The following ZC3H11A variants were observed in gnomAD, a reference collection of about 807,000 sequenced individuals.
ZC3H11A encodes zinc finger CCCH-type containing 11A.
ZC3H11A carries 22 observed loss-of-function variants against 90.8 expected under a neutral mutation model. The observed-to-expected ratio is 0.24, with a 90% CI of 0.17 to 0.35. The LOEUF is 0.35. Among genes scored for constraint, ZC3H11A ranks in the 10% least tolerant of loss-of-function variants. The pLI, the probability that ZC3H11A is intolerant of heterozygous loss-of-function variation, is 1.00. For missense variants in ZC3H11A, 701 were observed against 964.9 expected (o/e 0.73, Z 3.62); for synonymous variants, 294 against 339.8 (o/e 0.87, Z 1.48).
chr1:203,833,013 C>T (rs1217731114), intron 9 of ZC3H11A, among the ~76,000 whole-genome samples: 2 of 151,934 alleles, frequency 1.3e-5, no homozygotes, highest in African/African-American at 2.4e-5. Context: ...GCGGGCGGAT[C>T]GCTTGAGGCC....
chr1:203,815,232 T>TTTTTTA (rs1675938494), intron 2 of ZC3H11A, among the ~76,000 whole-genome samples: 1 of 146,250 alleles, frequency 6.8e-6, no homozygotes. Context: ...TTTTTTTTTT[T>TTTTTTA]GAGACAGTGT....
intron 2 of ZC3H11A, chr1:203,806,004 C>A: frequency 1.8e-6 from 1 of 562,350 alleles, no homozygotes; most frequent in South Asian, 1.5e-5. Flanking sequence ...TAACTTGTTT[C>A]ATGTTGAATG....
At chr1:203,807,986 C>G (rs1446358877) in intron 2 of ZC3H11A, among the ~76,000 whole-genome samples, 1 of 152,130 alleles carries the variant, frequency 6.6e-6, no homozygotes, top group Non-Finnish European at 1.5e-5. Flanking sequence ...AAGCAGTCCT[C>G]CTGTCTCGGC....
rs202156016 is a variant in ZC3H11A at position 203,849,970 on chromosome 1, G to A, written c.1883G>A (p.Gly628Glu). ...GTGGAGGTAGAAACCTCAGGGATTGGAGACTCATTATTGAATGTGAAATGT... is the reference window on the plus strand; with the variant it reads ...GTGGAGGTAGAAACCTCAGGGATTGAAGACTCATTATTGAATGTGAAATGT... ...QKVEVETSGI[G>E]DSLLNVKCAA... The change falls in exon 15 of 18, where the codon GGA (glycine) becomes GAA (glutamate). Residue 628 changes from glycine to glutamate, a missense_variant. Gly to Glu is a moderately conservative substitution (Grantham distance 98). Around this residue, in one of 4 missense-constraint regions of ZC3H11A, gnomAD observed 530 missense variants for 696.2 expected, o/e 0.76. Transcript: ENST00000367210. 126 of 1,613,954 alleles carry A rather than the reference G, an allele frequency of 7.8e-5. No individual in the cohort carries two copies. The highest frequency in any genetic ancestry group is 2.5e-5 in the Non-Finnish European group (29 of 1,180,020).
In ZC3H11A at chr1:203,837,994, T is replaced by C; in HGVS notation, c.903T>C (p.Arg301=). 4 of 1,614,124 alleles carry C rather than the reference T, an allele frequency of 2.5e-6. No homozygotes were observed. The highest frequency in any genetic ancestry group is 3.4e-6 in the Non-Finnish European group (4 of 1,180,020). Reference sequence around the variant, plus strand: ...GTGACAGTGATCCTCCATTAAAGCGTAGCCTGGCACAGAGGCTAGGGAAGA... The same window carrying C: ...GTGACAGTGATCCTCCATTAAAGCGCAGCCTGGCACAGAGGCTAGGGAAGA... ...AGGDSDPPLK[R]SLAQRLGKKV... Residue 301 remains arginine, a synonymous_variant, in exon 11 of 18, where the codon CGT becomes CGC. Transcript: ENST00000367210.
rs778085526 is a variant in ZC3H11A at position 203,798,893 on chromosome 1, A to G, written c.-1587-2682A>G. Reference sequence around the variant, plus strand: ...AGACTTACTTTTTCACTAAGGCTGTACCTCAGTTATATGATTGTGTCAGAG... The same window carrying G: ...AGACTTACTTTTTCACTAAGGCTGTGCCTCAGTTATATGATTGTGTCAGAG... On this transcript the variant is annotated intron_variant, in intron 1 of 17. Transcript: ENST00000367210. The G allele has an allele frequency of 6.0e-5, 92 of 1,536,024 alleles. No individual in the cohort carries two copies. In the South Asian group the frequency reaches 1.1e-3, roughly 18 times the overall value.
At chr1:203,804,246 G>C (rs1271954611) in intron 2 of ZC3H11A, among the ~76,000 whole-genome samples, 1 of 151,176 alleles carries the variant, frequency 6.6e-6, no homozygotes, top group Admixed American at 6.6e-5. Flanking sequence ...CCGCCTCCCG[G>C]GTTCACGCCA....
intron 12 of ZC3H11A, among the ~76,000 whole-genome samples, chr1:203,843,728 T>C (rs939693144): frequency 6.6e-6 from 1 of 152,238 alleles, no homozygotes; most frequent in Middle Eastern, 3.2e-3. Flanking sequence ...CCTTTTTAAA[T>C]GGCTGATTTG....
At chr1:203,845,134 C>T (rs1362303372) in intron 12 of ZC3H11A, among the ~76,000 whole-genome samples, 1 of 152,106 alleles carries the variant, frequency 6.6e-6, no homozygotes, top group African/African-American at 2.4e-5. Context: ...TATTATTTTT[C>T]CATTTTTCTG....
chr1:203,852,407 A>C lies in ZC3H11A; in HGVS notation c.*8A>C. 1 of 1,611,922 alleles carries C rather than the reference A, an allele frequency of 6.2e-7. No individual in the cohort carries two copies. The highest frequency in any genetic ancestry group is 8.5e-7 in the Non-Finnish European group (1 of 1,179,282). ...GAAATGATTGATAGCTGAAGGTGGTAGTGAGGACACTTTAAAAAAAAAATC... is the reference window on the plus strand; with the variant it reads ...GAAATGATTGATAGCTGAAGGTGGTCGTGAGGACACTTTAAAAAAAAAATC... On this transcript the variant is annotated 3_prime_UTR_variant, in exon 18 of 18. Transcript: ENST00000367210.
chr1:203,828,440 T>G lies in ZC3H11A; in HGVS notation c.298+18T>G. The G allele has an allele frequency of 6.3e-7, 1 of 1,592,994 alleles. No individual in the cohort carries two copies. Among genetic ancestry groups the G allele is most frequent in the South Asian group, 1.1e-5 (1 of 88,656 alleles). On this transcript the variant is annotated intron_variant, in intron 5 of 17. Coordinates refer to ENST00000367210, the MANE Select transcript of ZC3H11A (RefSeq NM_001376342.1). Reference sequence around the variant, plus strand: ...GAGCAAAAGTGAGATCAGTTTTTAATTTTAAAAGAATATCAAATGAACACC... The same window carrying G: ...GAGCAAAAGTGAGATCAGTTTTTAAGTTTAAAAGAATATCAAATGAACACC...
In ZC3H11A at chr1:203,847,489, G is replaced by C. The variant is rs749400839; in HGVS notation, c.1348G>C (p.Val450Leu). The change falls in exon 13 of 18, where the codon GTT (valine) becomes CTT (leucine). Residue 450 changes from valine (V) to leucine (L), a missense_variant. This residue lies in a region of ZC3H11A where 530 missense variants were observed against 696.2 expected (regional missense o/e 0.76). Coordinates refer to ENST00000367210, the MANE Select transcript of ZC3H11A (RefSeq NM_001376342.1). ...AAAAACAGTAGTTTTGCCACCCATTGTTGCCAGCAGAGGACAATCAGAGGA... is the reference window on the plus strand; with the variant it reads ...AAAAACAGTAGTTTTGCCACCCATTCTTGCCAGCAGAGGACAATCAGAGGA... ...IKKTVVLPPI[V>L]ASRGQSEEPA... is the part of the protein sequence containing the mutation. 6.2e-7 allele frequency: 1 copy of C among 1,613,958 alleles called. No individual in the cohort carries two copies. The highest frequency in any genetic ancestry group is 1.7e-5 in the Admixed American group (1 of 60,012).
At chr1:203,838,775 A>G (rs980047143) in intron 11 of ZC3H11A, among the ~76,000 whole-genome samples, 1 of 151,938 alleles carries the variant, frequency 6.6e-6, no homozygotes, top group Non-Finnish European at 1.5e-5. Context: ...ACATGGCAAA[A>G]CCCCATCTTT....
intron 1 of ZC3H11A, chr1:203,799,190 T>A: frequency 8.4e-7 from 1 of 1,188,970 alleles, no homozygotes; most frequent in Non-Finnish European, 1.2e-6. Context: ...CAAATTTCCT[T>A]ATCCCTAGCT....
At chr1:203,807,515 TCTTA>T (rs1473534796) in intron 2 of ZC3H11A, among the ~76,000 whole-genome samples, 3 of 151,764 alleles carry the variant, frequency 2.0e-5, no homozygotes, top group African/African-American at 7.3e-5. Context: ...TTTTGTTTTG[TCTTA>T]CTGTTTTTTT....
chr1:203,810,363 ACTTTT>A (rs1384828206), intron 2 of ZC3H11A, among the ~76,000 whole-genome samples: 6 of 150,336 alleles, frequency 4.0e-5, no homozygotes, highest in Admixed American at 2.0e-4. Context: ...ATATAAAGAA[ACTTTT>A]CTTTTTTTCT....
chr1:203,813,234 T>G (rs1675123670), intron 2 of ZC3H11A, among the ~76,000 whole-genome samples: 1 of 152,002 alleles, frequency 6.6e-6, no homozygotes, highest in South Asian at 2.1e-4. Flanking sequence ...TGGATGGAGT[T>G]TTGCTCTTGT....
In ZC3H11A at chr1:203,801,603, T is replaced by C. The variant is rs1366244971; in HGVS notation, c.-1559T>C. The C allele has an allele frequency of 6.6e-6, 1 of 152,600 alleles. No homozygotes were observed. Among genetic ancestry groups the C allele is most frequent in the African/African-American group, 2.4e-5 (1 of 41,452 alleles). 9.5% of individuals were successfully genotyped at this position (152,600 alleles called of 1,614,324 possible). ...TGGGGATATTCCCTGCCCAAAAAAT[T>C]CCTGGAAAATTGACTAGTATTAAGT... On this transcript the variant is annotated 5_prime_UTR_variant, in exon 2 of 18. Transcript: ENST00000367210.
intron 4 of ZC3H11A, among the ~76,000 whole-genome samples, chr1:203,819,178 A>G (rs1319116369): frequency 2.0e-5 from 3 of 150,626 alleles, no homozygotes; most frequent in Admixed American, 6.6e-5. Flanking sequence ...ATGTGTGTGT[A>G]TATATATACA....
Sources: gnomAD v4.1 joint callset for allele counts (sites outside exome capture counted in the v4.1 genomes callset) on GRCh38, gnomAD v4.1.1 for gene constraint, gnomAD v4.1.1 regional missense constraint, MANE v1.5 for transcripts, NCBI Gene and HGNC (gene_info 2026-07-23, HGNC 2026-07-21) for gene names.